Variants in CDC20B observed in about 807,000 individuals in gnomAD.
The protein encoded by CDC20B is cell division cycle 20B, also known as cell division cycle protein 20 homolog B.
A neutral mutation model predicts 64.1 loss-of-function variants in CDC20B; 58 were observed. The observed-to-expected ratio is 0.90, with a 90% CI of 0.73 to 1.13. The LOEUF (loss-of-function observed/expected upper bound fraction) is 1.13. CDC20B is among the 50% of genes most tolerant of loss of function. The pLI is 0.00. For synonymous variants in CDC20B, 243 were observed against 230.6 expected (o/e 1.05, Z -0.49); for missense variants, 597 against 633.0 (o/e 0.94, Z 0.61).
intron 2 of CDC20B, among the ~76,000 whole-genome samples, chr5:55,152,336 A>G (rs944830612): frequency 3.9e-5 from 6 of 152,180 alleles, no homozygotes; most frequent in Admixed American, 6.5e-5. Flanking sequence ...GTGCTTCCAC[A>G]CTCACTGTGC....
At chr5:55,131,387 A>C (rs1743024660) in intron 6 of CDC20B, among the ~76,000 whole-genome samples, 1 of 152,226 alleles carries the variant, frequency 6.6e-6, no homozygotes, top group South Asian at 2.1e-4. Flanking sequence ...GAAGTAAAAA[A>C]AGAAAAGATG....
intron 2 of CDC20B, chr5:55,165,267 C>T (rs987250846): frequency 3.3e-5 from 5 of 152,140 alleles, no homozygotes; most frequent in African/African-American, 1.2e-4. Flanking sequence ...CATTTCTTCT[C>T]CCAAAGTCAT....
At chr5:55,153,724 T>C (rs1414680184) in intron 2 of CDC20B, among the ~76,000 whole-genome samples, 2 of 152,154 alleles carry the variant, frequency 1.3e-5, no homozygotes, top group South Asian at 2.1e-4. Context: ...ATAGTTAAAA[T>C]ACTAAAGGAC....
chr5:55,133,463 T>C lies in CDC20B; in HGVS notation c.646A>G (p.Ile216Val). Residue 216 changes from isoleucine to valine, a missense_variant, in exon 6 of 12, where the codon ATA (isoleucine) becomes GTA (valine). Physicochemically the swap from Ile to Val is conservative, Grantham distance 29 (BLOSUM62 3). Coordinates refer to ENST00000381375, the MANE Select transcript of CDC20B (RefSeq NM_001170402.1). The stretch of plus-strand genomic sequence containing the variant: ...TGAATCTTCACCTCTGGTTGGAGTA[T>C]GGAATCGTTTATATCACCAGAACTT... ...LKSSGDINDSILQPEVKIHIT... is the reference protein window; with the variant it reads ...LKSSGDINDSVLQPEVKIHIT... 1 of 1,584,644 alleles carries C rather than the reference T, an allele frequency of 6.3e-7. No individual in the cohort carries two copies.
intron 3 of CDC20B, among the ~76,000 whole-genome samples, chr5:55,145,787 T>C (rs970417146): frequency 1.3e-5 from 2 of 151,334 alleles, no homozygotes; most frequent in Non-Finnish European, 2.9e-5. Flanking sequence ...TCTTTGTCTC[T>C]CTCCCCCCAT....
At chr5:55,118,067 C>T (rs1561284280) in intron 11 of CDC20B, among the ~76,000 whole-genome samples, 1 of 151,676 alleles carries the variant, frequency 6.6e-6, no homozygotes, top group Non-Finnish European at 1.5e-5. Flanking sequence ...TGCAGTGAGC[C>T]GAGATGGTGC....
intron 2 of CDC20B, among the ~76,000 whole-genome samples, chr5:55,157,446 T>C (rs942605167): frequency 6.6e-6 from 1 of 152,222 alleles, no homozygotes; most frequent in African/African-American, 2.4e-5. Context: ...AATGGGTCAG[T>C]ATGAAAATTT....
chr5:55,123,331 T>C (rs932719581), intron 9 of CDC20B, among the ~76,000 whole-genome samples: 11 of 152,178 alleles, frequency 7.2e-5, no homozygotes, highest in African/African-American at 4.8e-5. Context: ...TTCAAGAGGC[T>C]CAGAAATTCC....
chr5:55,143,448 AT>A, intron 4 of CDC20B, 64 bp downstream of exon 4: 1 of 1,481,656 alleles, frequency 6.7e-7, no homozygotes, highest in Non-Finnish European at 9.0e-7. Context: ...CTTCCCTTAC[AT>A]TTGCAACTAA....
At position 55,128,695 on chromosome 5, in the gene CDC20B, G is replaced by C. The variant is rs113917144; in HGVS notation, c.698-78C>G. ...GTTCAAATAAACAACTTTATAGGTA[G>C]GGGGAAAAGAATAATACCATCCCCA... On this transcript the variant is annotated intron_variant, in intron 6 of 11. Transcript: ENST00000381375. The C allele has an allele frequency of 4.6e-4, 497 of 1,080,416 alleles. 1 individual carries two copies. The African/African-American group carries it at 7.1e-3, about 15-fold the overall frequency. 66.9% of individuals were successfully genotyped at this position (1,080,416 alleles called of 1,614,324 possible).
At chr5:55,137,632 G>A (rs1017674653) in intron 5 of CDC20B, 5 of 456,586 alleles carry the variant, frequency 1.1e-5, no homozygotes, top group Non-Finnish European at 2.2e-5. Flanking sequence ...TGCCACTAAA[G>A]TGATCTATGG....
At chr5:55,146,333 C>G (rs1163651382) in intron 3 of CDC20B, among the ~76,000 whole-genome samples, 7 of 152,228 alleles carry the variant, frequency 4.6e-5, no homozygotes, top group African/African-American at 9.6e-5. Context: ...TGCCCGCCCC[C>G]ACATGGAGTG....
At chr5:55,137,749 AG>A (rs1743222163) in intron 5 of CDC20B, 1 of 446,598 alleles carries the variant, frequency 2.2e-6, no homozygotes. Flanking sequence ...GACTTTTTTA[AG>A]GGGTGAAGAC....
In CDC20B at chr5:55,159,645, G is replaced by T. The variant is rs909573591; in HGVS notation, c.127-12789C>A. Reference sequence around the variant, plus strand: ...GATTGCCTTAGCTAGATGAATCAGGGTAAATAGCCTTTTTCAGATATTTCC... The same window carrying T: ...GATTGCCTTAGCTAGATGAATCAGGTTAAATAGCCTTTTTCAGATATTTCC... On this transcript the variant is annotated intron_variant, in intron 2 of 11. Coordinates refer to ENST00000381375, the MANE Select transcript of CDC20B (RefSeq NM_001170402.1). 1.1e-4 allele frequency among the ~76,000 whole-genome samples: 17 copies of T among 152,146 alleles called. 1 individual carries two copies. The highest frequency in any genetic ancestry group is 2.2e-4 in the Non-Finnish European group (15 of 68,036).
chr5:55,119,656 G>A, intron 11 of CDC20B, 145 bp downstream of exon 11: 1 of 601,876 alleles, frequency 1.7e-6, no homozygotes, highest in Non-Finnish European at 3.0e-6. Flanking sequence ...GCTCTCTGAG[G>A]TAGGGTGGAT....
intron 2 of CDC20B, among the ~76,000 whole-genome samples, chr5:55,155,664 T>C (rs1371320194): frequency 2.0e-5 from 3 of 152,204 alleles, no homozygotes; most frequent in African/African-American, 7.2e-5. Context: ...CCACACACTG[T>C]CAAGGTCATT....
Position 55,172,888 on chromosome 5 carries a change from C to A in CDC20B, c.63+50G>T, listed in dbSNP as rs1476618199. 5 of 1,494,090 alleles carry A rather than the reference C, an allele frequency of 3.3e-6. No individual in the cohort carries two copies. The East Asian group carries it at 7.3e-5, about 22-fold the overall frequency. The allele number at this position is 1,494,090 out of a possible 1,614,324, so 92.6% of individuals were successfully genotyped here. On this transcript the variant is annotated intron_variant, in intron 1 of 11. Transcript: ENST00000381375. Reference sequence around the variant, plus strand: ...AAACAGATATTATGAACGGGGCCTTCGGCCCCGCATTAGAGAGTTAGGGAG... The same window carrying A: ...AAACAGATATTATGAACGGGGCCTTAGGCCCCGCATTAGAGAGTTAGGGAG...
At position 55,143,588 on chromosome 5, in the gene CDC20B, G is replaced by A; in HGVS notation, c.411C>T (p.Asn137=). The change falls in exon 4 of 12, where the codon AAC becomes AAT. Residue 137 remains asparagine, a synonymous_variant. Transcript: ENST00000381375. ...TPSKGISETS[N]SALHFCKAPH... The stretch of plus-strand genomic sequence containing the variant: ...GTGCCTTGCAAAAATGGAGAGCAGA[G>A]TTACTTGTTTCAGAAATTCCTTTGC... 2 of 1,609,766 alleles carry A rather than the reference G, an allele frequency of 1.2e-6. No individual in the cohort carries two copies. The highest frequency in any genetic ancestry group is 2.7e-5 in the African/African-American group (2 of 74,946).
intron 11 of CDC20B, among the ~76,000 whole-genome samples, chr5:55,119,193 G>A (rs138460198): frequency 2.0e-4 from 31 of 152,230 alleles, no homozygotes; most frequent in African/African-American, 7.2e-4. Flanking sequence ...TTGTCTTCCT[G>A]TTTCCCTGGG....
Sources: gnomAD v4.1 joint callset for allele counts (sites outside exome capture counted in the v4.1 genomes callset) on GRCh38, gnomAD v4.1.1 for gene constraint, MANE v1.5 for transcripts, NCBI Gene and HGNC (gene_info 2026-07-23, HGNC 2026-07-21) for gene names.